SDR42E1: variants seen among roughly 807,000 people sequenced by gnomAD.
The protein encoded by SDR42E1 is short chain dehydrogenase/reductase family 42E, member 1.
In SDR42E1, 5 loss-of-function variants were observed where a neutral mutation model predicts 2.6. That is an observed-to-expected ratio of 1.94 (90% CI 1.01 to 4.08). SDR42E1 has a LOEUF of 4.08. SDR42E1 is among the 30% of genes most tolerant of loss of function. SDR42E1 has a pLI of 0.00. For missense variants in SDR42E1, 596 were observed against 478.6 expected, an observed-to-expected ratio of 1.25 and a Z score of -2.29; for synonymous variants, 231 against 188.3, an observed-to-expected ratio of 1.23 and a Z score of -1.86.
In SDR42E1 at chr16:81,993,208, G is replaced by A. The variant is rs529169800; in HGVS notation, c.*5903C>T. ...AGCAAAGTTGTACTGAGCACCTGCTGTAGCAAAGCACTGCAAAGGGAAGAG... is the reference window on the plus strand; with the variant it reads ...AGCAAAGTTGTACTGAGCACCTGCTATAGCAAAGCACTGCAAAGGGAAGAG... On this transcript the variant is annotated 3_prime_UTR_variant, in exon 3 of 3. Coordinates refer to ENST00000328945, the MANE Select transcript of SDR42E1 (RefSeq NM_145168.3). 2.0e-5 allele frequency: 3 copies of A among 152,306 alleles called. No individual in the cohort carries two copies. Among genetic ancestry groups the A allele is most frequent in the African/African-American group, 7.2e-5 (3 of 41,562 alleles). The allele number at this position is 152,306 out of a possible 1,614,324, so 9.4% of individuals were successfully genotyped here.
chr16:82,001,386 T>C (rs537740198), intron 1 of SDR42E1, among the ~76,000 whole-genome samples: 1 of 152,114 alleles, frequency 6.6e-6, no homozygotes, highest in South Asian at 2.1e-4. Flanking sequence ...AAAAAATATG[T>C]ATATGGGGAA....
intron 1 of SDR42E1, among the ~76,000 whole-genome samples, chr16:82,003,108 T>C (rs571571085): frequency 6.6e-6 from 1 of 152,260 alleles, no homozygotes; most frequent in East Asian, 1.9e-4. Context: ...CAAGTGACTG[T>C]CTCAGTGGTT....
intron 1 of SDR42E1, among the ~76,000 whole-genome samples, chr16:82,005,800 A>G (rs1431071632): frequency 6.6e-6 from 1 of 152,214 alleles, no homozygotes; most frequent in Non-Finnish European, 1.5e-5. Flanking sequence ...TAGTGGATAC[A>G]GGTTAAAGTT....
rs151249731 is a variant in SDR42E1, at chr16:82,003,693, C to G, written c.-26-2809G>C. On this transcript the variant is annotated intron_variant, in intron 1 of 2. Transcript: ENST00000328945. Reference sequence around the variant, plus strand: ...TGATCACCCTAGCTAACACAGATGCCTGTACCCTAAATGTTGCTTTGTTTT... The same window carrying G: ...TGATCACCCTAGCTAACACAGATGCGTGTACCCTAAATGTTGCTTTGTTTT... 1.5e-3 allele frequency among the ~76,000 whole-genome samples: 228 copies of G among 152,326 alleles called. 1 individual carries two copies. The highest frequency in any genetic ancestry group is 5.3e-3 in the African/African-American group (220 of 41,570).
At chr16:82,001,718 C>T (rs552821475) in intron 1 of SDR42E1, among the ~76,000 whole-genome samples, 139 of 151,916 alleles carry the variant, frequency 9.1e-4, no homozygotes, top group African/African-American at 3.2e-3. Context: ...CTGACTAACA[C>T]GGTGAAACCC....
chr16:82,000,764 A>T, intron 2 of SDR42E1, 27 bp downstream of exon 2: 1 of 1,525,388 alleles, frequency 6.6e-7, no homozygotes. Context: ...AAATAATTCC[A>T]TGTGTATATT....
chr16:82,006,793 C>G (rs1597181080), intron 1 of SDR42E1, among the ~76,000 whole-genome samples: 2 of 150,694 alleles, frequency 1.3e-5, no homozygotes, highest in Non-Finnish European at 3.0e-5. Context: ...GATTCCATCT[C>G]AAAAAAAACA....
At chr16:82,003,269 A>G (rs1912826532) in intron 1 of SDR42E1, among the ~76,000 whole-genome samples, 1 of 152,176 alleles carries the variant, frequency 6.6e-6, no homozygotes, top group African/African-American at 2.4e-5. Context: ...CACTCCCTCA[A>G]TGCACCTAAC....
intron 1 of SDR42E1, among the ~76,000 whole-genome samples, chr16:82,009,931 T>A (rs1031447973): frequency 6.6e-6 from 1 of 152,352 alleles, no homozygotes; most frequent in East Asian, 1.9e-4. Flanking sequence ...GGGGTGGGTT[T>A]TTCCCATGCC....
chr16:81,992,674 A>G lies in SDR42E1; in HGVS notation c.*6437T>C, dbSNP rs904531662. 3 of 152,180 alleles carry G rather than the reference A, an allele frequency of 2.0e-5. No individual in the cohort carries two copies. Among genetic ancestry groups the G allele is most frequent in the African/African-American group, 4.8e-5 (2 of 41,448 alleles). 9.4% of individuals were successfully genotyped at this position (152,180 alleles called of 1,614,324 possible). A position where few individuals can be genotyped will look rare whatever the true frequency, so the allele number is the denominator to read the frequency against. On this transcript the variant is annotated 3_prime_UTR_variant, in exon 3 of 3. Coordinates refer to ENST00000328945, the MANE Select transcript of SDR42E1 (RefSeq NM_145168.3). ...CATGCTTTAACCAGCTGTTAAAAAT[A>G]AACATTGCGAATTACTGCTGATAAA...
chr16:81,999,421 G>T lies in SDR42E1; in HGVS notation c.872C>A (p.Ala291Asp). The T allele has an allele frequency of 1.9e-6, 3 of 1,614,204 alleles. No individual in the cohort carries two copies. Among genetic ancestry groups the T allele is most frequent in the Non-Finnish European group, 2.5e-6 (3 of 1,180,034 alleles). The change falls in exon 3 of 3, where the codon GCT becomes GAT. Residue 291 changes from alanine to aspartate, a missense_variant. By Grantham distance (126) the Ala-to-Asp change is moderately radical. Coordinates refer to ENST00000328945, the MANE Select transcript of SDR42E1 (RefSeq NM_145168.3). ...GAAGTGAACCATCTCTGTTAGAAAA[G>T]CAAAGCAGTAGACCAAGGTCAATGG... ...RLPLTLVYCF[A>D]FLTEMVHFIL...
chr16:82,003,374 A>C (rs1194125997), intron 1 of SDR42E1, among the ~76,000 whole-genome samples: 1 of 152,208 alleles, frequency 6.6e-6, no homozygotes, highest in African/African-American at 2.4e-5. Flanking sequence ...TCTGTTCTTT[A>C]GTGTACTCAC....
In SDR42E1 at chr16:81,997,651, C is replaced by A. The variant is rs1042566705; in HGVS notation, c.*1460G>T. On this transcript the variant is annotated 3_prime_UTR_variant, in exon 3 of 3. Transcript: ENST00000328945. ...AAACAATCACTACCATCACCTCATA[C>A]TGATGTTGCAATTTATATTAGAAGT... 2.6e-5 allele frequency: 4 copies of A among 152,236 alleles called. No homozygotes were observed. The highest frequency in any genetic ancestry group is 2.0e-4 in the Admixed American group (3 of 15,282). The allele number at this position is 152,236 out of a possible 1,614,324, so 9.4% of individuals were successfully genotyped here. A position where few individuals can be genotyped will look rare whatever the true frequency, so the allele number is the denominator to read the frequency against.
At chr16:82,011,312 G>C (rs1000706603) in intron 1 of SDR42E1, 75 bp downstream of exon 1, 2 of 152,220 alleles carry the variant, frequency 1.3e-5, no homozygotes, top group Non-Finnish European at 2.9e-5. Context: ...GCCACCTGTC[G>C]CGTTCCAGGC....
At chr16:82,008,388 G>A (rs190535669) in intron 1 of SDR42E1, among the ~76,000 whole-genome samples, 8 of 152,338 alleles carry the variant, frequency 5.3e-5, no homozygotes, top group East Asian at 1.9e-4. Context: ...AGTTTGGAGG[G>A]CTCAGAAGAA....
chr16:82,002,140 G>T (rs1410062953), intron 1 of SDR42E1, among the ~76,000 whole-genome samples: 1 of 152,194 alleles, frequency 6.6e-6, no homozygotes, highest in Non-Finnish European at 1.5e-5. Flanking sequence ...CAACATGGAA[G>T]AGTGTGGAGA....
Position 81,996,879 on chromosome 16 carries a change from C to A in SDR42E1, c.*2232G>T, listed in dbSNP as rs574603044. On this transcript the variant is annotated 3_prime_UTR_variant, in exon 3 of 3. Coordinates refer to ENST00000328945, the MANE Select transcript of SDR42E1 (RefSeq NM_145168.3). Reference sequence around the variant, plus strand: ...GTGTAGTCTCCTCCCACACTGAATACGGCTAACCTGTGTAAACACCCGAGA... The same window carrying A: ...GTGTAGTCTCCTCCCACACTGAATAAGGCTAACCTGTGTAAACACCCGAGA... The A allele has an allele frequency of 1.3e-5, 2 of 152,178 alleles. No homozygotes were observed. The highest frequency in any genetic ancestry group is 2.9e-5 in the Non-Finnish European group (2 of 68,056). The allele number at this position is 152,178 out of a possible 1,614,324, so 9.4% of individuals were successfully genotyped here. A position where few individuals can be genotyped will look rare whatever the true frequency, so the allele number is the denominator to read the frequency against.
chr16:82,002,622 C>T (rs934657148), intron 1 of SDR42E1, among the ~76,000 whole-genome samples: 6 of 152,058 alleles, frequency 3.9e-5, no homozygotes, highest in African/African-American at 1.4e-4. Flanking sequence ...GATTCACACC[C>T]GATGGCAGTT....
chr16:82,008,192 C>T (rs1567567459), intron 1 of SDR42E1, among the ~76,000 whole-genome samples: 1 of 152,222 alleles, frequency 6.6e-6, no homozygotes, highest in African/African-American at 2.4e-5. Flanking sequence ...CCTCCCCAGC[C>T]ACGTGGAACT....
Sources: allele counts gnomAD v4.1 joint callset (sites outside exome capture counted in the v4.1 genomes callset), GRCh38; gene constraint gnomAD v4.1.1; transcripts MANE v1.5; gene names NCBI Gene and HGNC (gene_info 2026-07-23, HGNC 2026-07-21).